Variants in DMD observed in about 807,000 individuals in gnomAD.
DMD encodes the protein dystrophin.
DMD carries 63 observed loss-of-function variants against 330.1 expected under a neutral mutation model. The observed-to-expected ratio is 0.19, with a 90% confidence interval of 0.16 to 0.24. The LOEUF is 0.24. Among genes scored for constraint, DMD ranks in the 10% least tolerant of loss-of-function variants. DMD has a pLI of 1.00. For missense variants in DMD, 3,344 were observed against 2,684.1 expected (o/e 1.25, Z -5.43); for synonymous variants, 1,223 against 959.8 (o/e 1.27, Z -5.07).
At chrX:32,644,104 T>A in intron 11 of DMD, 28 bp downstream of exon 11, 1 of 1,163,224 alleles carries the variant, frequency 8.6e-7, no homozygotes, top group Admixed American at 2.3e-5. Context: ...TTGTTAGTCT[T>A]CTTAATTAAA....
At chrX:31,330,130 T>C (rs1207407512) in intron 61 of DMD, among the ~76,000 whole-genome samples, 2 of 108,615 alleles carry the variant, frequency 1.8e-5, no homozygotes, top group East Asian at 2.8e-4. Context: ...CTTGGGTGTA[T>C]ACATATGTCC....
intron 29 of DMD, among the ~76,000 whole-genome samples, chrX:32,424,857 T>C (rs1476658989): frequency 9.0e-6 from 1 of 110,662 alleles, no homozygotes; most frequent in Admixed American, 9.6e-5. Context: ...GATGAATGAC[T>C]TGCAAATATG....
In DMD at chrX:31,709,398, A is replaced by G. The variant is rs1003839984; in HGVS notation, c.7660+20233T>C. On this transcript the variant is annotated intron_variant, in intron 52 of 78. Coordinates refer to ENST00000357033, the MANE Select transcript of DMD (RefSeq NM_004006.3). ...ACCTTTTATTTTCACTTAATTTTCA[A>G]TTGATTCCTTTGTTGCATTGTTTAT... Among the ~76,000 whole-genome samples, 4 of 112,018 alleles carry G rather than the reference A, an allele frequency of 3.6e-5. No individual in the cohort carries two copies. In the East Asian group the frequency reaches 1.1e-3, roughly 31 times the overall value.
At chrX:32,584,814 G>A (rs1259740117) in intron 13 of DMD, among the ~76,000 whole-genome samples, 3 of 111,681 alleles carry the variant, frequency 2.7e-5, no homozygotes, top group African/African-American at 9.8e-5. Context: ...CTGGTTGCTG[G>A]TAACATACTA....
chrX:33,023,975 A>C (rs986693067), intron 1 of DMD, among the ~76,000 whole-genome samples: 3 of 111,613 alleles, frequency 2.7e-5, no homozygotes, highest in African/African-American at 9.7e-5. Flanking sequence ...AGTATGCTAA[A>C]ATTTTATACG....
intron 1 of DMD, among the ~76,000 whole-genome samples, chrX:33,231,407 G>T (rs1465712564): frequency 1.8e-5 from 2 of 112,007 alleles, no homozygotes; most frequent in African/African-American, 6.5e-5. Context: ...ATGAAAAGTA[G>T]AAATTGTTTA....
At chrX:32,769,564 T>C (rs963846863) in intron 7 of DMD, among the ~76,000 whole-genome samples, 1 of 112,037 alleles carries the variant, frequency 8.9e-6, no homozygotes, top group African/African-American at 3.2e-5. Flanking sequence ...GGCACTTATG[T>C]GTTAAAGCAG....
chrX:32,936,355 C>T (rs980050532), intron 2 of DMD, among the ~76,000 whole-genome samples: 2 of 111,919 alleles, frequency 1.8e-5, no homozygotes, highest in African/African-American at 6.5e-5. Context: ...AGGTGATCTG[C>T]CTGCCTCGGC....
intron 51 of DMD, among the ~76,000 whole-genome samples, chrX:31,766,328 G>A (rs1345215590): frequency 9.0e-6 from 1 of 110,675 alleles, no homozygotes; most frequent in African/African-American, 3.3e-5. Context: ...GTGTGATCTC[G>A]GCTCACTGCA....
intron 11 of DMD, among the ~76,000 whole-genome samples, chrX:32,619,792 C>T (rs1284885208): frequency 9.0e-6 from 1 of 111,057 alleles, no homozygotes; most frequent in Non-Finnish European, 1.9e-5. Context: ...AGTGAAGGAG[C>T]CAGGACCTAA....
chrX:32,560,872 C>T (rs942372627), intron 16 of DMD, among the ~76,000 whole-genome samples: 2 of 111,812 alleles, frequency 1.8e-5, no homozygotes, highest in African/African-American at 6.5e-5. Context: ...TATGTCTTTG[C>T]TATTGTGAAT....
At chrX:32,454,335 G>A (rs889622433) in intron 26 of DMD, among the ~76,000 whole-genome samples, 1 of 110,990 alleles carries the variant, frequency 9.0e-6, no homozygotes, top group African/African-American at 3.3e-5. Context: ...CTTTTGCACA[G>A]TTTCAACGTA....
At chrX:32,655,505 C>G (rs1373172346) in intron 9 of DMD, among the ~76,000 whole-genome samples, 2 of 111,840 alleles carry the variant, frequency 1.8e-5, no homozygotes, top group African/African-American at 3.3e-5. Context: ...CTGAGAGACA[C>G]TTTGTTATAA....
chrX:33,138,259 A>G (rs1569556203), intron 1 of DMD, among the ~76,000 whole-genome samples: 3 of 111,882 alleles, frequency 2.7e-5, no homozygotes, highest in Non-Finnish European at 5.6e-5. Context: ...TTAACTGAAT[A>G]TTTTTTTAAT....
At chrX:32,746,690 A>G (rs2070064121) in intron 7 of DMD, among the ~76,000 whole-genome samples, 2 of 112,177 alleles carry the variant, frequency 1.8e-5, no homozygotes, top group South Asian at 7.5e-4. Context: ...AATATTTGTC[A>G]TTTCTTTGTG....
intron 44 of DMD, among the ~76,000 whole-genome samples, chrX:32,190,665 A>T (rs2096971286): frequency 9.6e-6 from 1 of 104,238 alleles, no homozygotes; most frequent in Non-Finnish European, 2.0e-5. Flanking sequence ...ATTAAAAAAT[A>T]AATTTATGCC....
At chrX:33,076,852 G>A (rs1002868879) in intron 1 of DMD, among the ~76,000 whole-genome samples, 4 of 111,474 alleles carry the variant, frequency 3.6e-5, no homozygotes, top group Middle Eastern at 4.2e-3. Flanking sequence ...CCAGCTGTGC[G>A]GGAGACCGAA....
intron 2 of DMD, among the ~76,000 whole-genome samples, chrX:33,005,652 C>T (rs181667867): frequency 2.8e-3 from 303 of 110,165 alleles, no homozygotes; most frequent in Non-Finnish European, 4.1e-3. Flanking sequence ...CTATAATTGA[C>T]ATCCTATTTA....
chrX:31,756,491 C>CGT (rs1778747235), intron 51 of DMD, among the ~76,000 whole-genome samples: 1 of 112,202 alleles, frequency 8.9e-6, no homozygotes, highest in Non-Finnish European at 1.9e-5. Context: ...CACACACACG[C>CGT]GCATGCACGC....
Sources: allele counts gnomAD v4.1 joint callset (sites outside exome capture counted in the v4.1 genomes callset), GRCh38; gene constraint gnomAD v4.1.1; transcripts MANE v1.5; gene names NCBI Gene and HGNC (gene_info 2026-07-23, HGNC 2026-07-21).